Variants in SLC1A2 observed in about 807,000 individuals in gnomAD.
The protein encoded by SLC1A2 is excitatory amino acid transporter 2.
SLC1A2 carries 15 observed loss-of-function variants against 48.8 expected under a neutral mutation model. That is an observed-to-expected ratio of 0.31 (90% CI 0.21 to 0.47). The LOEUF (loss-of-function observed/expected upper bound fraction) is 0.47, where lower values mean the gene tolerates loss of function less well. SLC1A2 is among the 20% of genes least tolerant of loss of function. The pLI is 0.99. For synonymous variants in SLC1A2, 279 were observed against 272.6 expected (o/e 1.02, Z -0.23); for missense variants, 502 against 730.5 (o/e 0.69, Z 3.61).
chr11:35,388,595 A>G (rs1044660135), intron 1 of SLC1A2, among the ~76,000 whole-genome samples: 4 of 152,094 alleles, frequency 2.6e-5, no homozygotes, highest in Non-Finnish European at 4.4e-5. Context: ...AAGTCTCCCT[A>G]TGTTGCCCAG....
chr11:35,308,216 C>T (rs1851574217), intron 4 of SLC1A2, among the ~76,000 whole-genome samples: 1 of 152,108 alleles, frequency 6.6e-6, no homozygotes, highest in South Asian at 2.1e-4. Flanking sequence ...CAACAGTAGC[C>T]CTTCGACTCA....
intron 1 of SLC1A2, among the ~76,000 whole-genome samples, chr11:35,368,792 A>T (rs1475159780): frequency 6.6e-6 from 1 of 152,180 alleles, no homozygotes; most frequent in Non-Finnish European, 1.5e-5. Context: ...GATGTCCCTG[A>T]CACGTCTTTG....
At chr11:35,273,250 C>G (rs12796856) in intron 9 of SLC1A2, among the ~76,000 whole-genome samples, 55,637 of 151,998 alleles carry the variant, frequency 0.37, 10,527 homozygotes, top group South Asian at 0.53. Context: ...GGCCCCAAAC[C>G]CGAGGAAGGC....
intron 3 of SLC1A2, among the ~76,000 whole-genome samples, chr11:35,312,821 T>C (rs1372090838): frequency 3.3e-5 from 5 of 152,238 alleles, no homozygotes; most frequent in African/African-American, 1.2e-4. Context: ...TAGTTTTTTT[T>C]CTCAAATATT....
intron 1 of SLC1A2, among the ~76,000 whole-genome samples, chr11:35,338,662 G>C (rs142576538): frequency 3.0e-4 from 46 of 152,276 alleles, no homozygotes; most frequent in African/African-American, 1.1e-3. Flanking sequence ...GATATGGAAA[G>C]AGAATCAGTC....
chr11:35,320,057 G>A (rs909529769), intron 1 of SLC1A2, among the ~76,000 whole-genome samples: 4 of 152,124 alleles, frequency 2.6e-5, no homozygotes, highest in Admixed American at 6.5e-5. Flanking sequence ...TAATCACTAC[G>A]TCTCCCAGAA....
In SLC1A2 at chr11:35,253,532, A is replaced by T. The variant is rs1406370774; in HGVS notation, c.*7362T>A. ...GCAAAATGAGAATGCTCAGCTGGAA[A>T]AACAAGGCCTGGTGTCAAACATTTA... On this transcript the variant is annotated 3_prime_UTR_variant, in exon 11 of 11. Coordinates refer to ENST00000278379, the MANE Select transcript of SLC1A2 (RefSeq NM_004171.4). The T allele has an allele frequency of 6.5e-6, 1 of 152,760 alleles. No individual in the cohort carries two copies. The highest frequency in any genetic ancestry group is 1.9e-4 in the East Asian group (1 of 5,188). 9.5% of individuals were successfully genotyped at this position (152,760 alleles called of 1,614,324 possible).
chr11:35,406,946 G>C (rs892044437), intron 1 of SLC1A2, among the ~76,000 whole-genome samples: 2 of 152,214 alleles, frequency 1.3e-5, no homozygotes, highest in Non-Finnish European at 2.9e-5. Context: ...GGAATGCAGA[G>C]CCCAAGAGGA....
chr11:35,404,581 G>A (rs957661611), intron 1 of SLC1A2: 7 of 152,234 alleles, frequency 4.6e-5, no homozygotes, highest in African/African-American at 7.2e-5. Context: ...ACAACAGCTG[G>A]TGCGGGGCCT....
intron 8 of SLC1A2, 115 bp downstream of exon 8, chr11:35,286,642 A>T: frequency 2.9e-6 from 2 of 696,114 alleles, no homozygotes; most frequent in Non-Finnish European, 4.6e-6. Flanking sequence ...TTTTTTTATT[A>T]CCTTCATTGT....
In SLC1A2 at chr11:35,281,004, A is replaced by G. The variant is rs16927242; in HGVS notation, c.1287-3T>C. 15 of 1,604,584 alleles carry G rather than the reference A, an allele frequency of 9.3e-6. No homozygotes were observed. Among genetic ancestry groups the G allele is most frequent in the Admixed American group, 5.1e-5 (3 of 58,598 alleles). On this transcript the variant is annotated splice_region_variant and splice_polypyrimidine_tract_variant and intron_variant, in intron 8 of 10. Transcript: ENST00000278379. ...CGCTTGCCAGGGTGGCTGTGAGGCT[A>G]TGAGAACAGAGAAGTTCAGGTCATG...
chr11:35,362,678 A>G (rs554243035), intron 1 of SLC1A2, among the ~76,000 whole-genome samples: 3 of 152,230 alleles, frequency 2.0e-5, no homozygotes, highest in Non-Finnish European at 2.9e-5. Flanking sequence ...TTCATTCCAC[A>G]AAAATTTCTT....
chr11:35,388,117 G>A (rs1246137063), intron 1 of SLC1A2, among the ~76,000 whole-genome samples: 5 of 152,206 alleles, frequency 3.3e-5, no homozygotes, highest in Admixed American at 6.5e-5. Context: ...TTCATTCTAC[G>A]TATCAACCCT....
intron 1 of SLC1A2, chr11:35,360,187 G>T: frequency 3.8e-6 from 2 of 522,202 alleles, no homozygotes; most frequent in Non-Finnish European, 4.9e-6. Context: ...TGACAAAGAC[G>T]TCACAAACTG....
At chr11:35,286,682 G>T in intron 8 of SLC1A2, 75 bp downstream of exon 8, 2 of 1,028,258 alleles carry the variant, frequency 1.9e-6, no homozygotes, top group South Asian at 2.0e-5. Context: ...AATTCAAGTG[G>T]CCTCTGTCAC....
At chr11:35,413,898 G>A (rs1021083051) in intron 1 of SLC1A2, 1 of 152,244 alleles carries the variant, frequency 6.6e-6, no homozygotes, top group Non-Finnish European at 1.5e-5. Flanking sequence ...AGTACTCTCA[G>A]TGATTTAAGT....
upstream of SLC1A2, chr11:35,419,798 C>T: frequency 3.0e-6 from 1 of 336,212 alleles, no homozygotes; most frequent in South Asian, 2.3e-5. This position sits in a 1 kb window ranked among gnomAD's most constrained non-coding sequence, Gnocchi z 5.4. Context: ...CGGGGTGAAG[C>T]GCAGGCGACC....
intron 1 of SLC1A2, among the ~76,000 whole-genome samples, chr11:35,381,990 G>A (rs7120564): frequency 0.53 from 80,800 of 152,028 alleles, 22,064 homozygotes; most frequent in African/African-American, 0.67. Context: ...AACAGTAACT[G>A]TATCTGTACT....
At chr11:35,273,247 A>G (rs1011341587) in intron 9 of SLC1A2, among the ~76,000 whole-genome samples, 3 of 152,184 alleles carry the variant, frequency 2.0e-5, no homozygotes, top group African/African-American at 7.2e-5. Flanking sequence ...TGAGGCCCCA[A>G]ACCCGAGGAA....
Sources: allele counts gnomAD v4.1 joint callset (sites outside exome capture counted in the v4.1 genomes callset), GRCh38; gene constraint gnomAD v4.1.1; non-coding constraint Gnocchi (gnomAD v3.1); transcripts MANE v1.5; gene names NCBI Gene and HGNC (gene_info 2026-07-23, HGNC 2026-07-21).